Variants in FBXL7 observed in about 807,000 individuals in gnomAD.
FBXL7 encodes F-box/LRR-repeat protein 7.
Under a neutral mutation model 38.3 loss-of-function variants are expected in FBXL7, and 12 were observed. That is an observed-to-expected ratio of 0.31 (90% CI 0.20 to 0.51). The LOEUF (loss-of-function observed/expected upper bound fraction) is 0.51. FBXL7 is among the 20% of genes least tolerant of loss of function. The pLI, the probability that FBXL7 is intolerant of heterozygous loss-of-function variation, is 0.98. For missense variants in FBXL7, 567 were observed against 676.4 expected, an observed-to-expected ratio of 0.84 and a Z score of 1.79; for synonymous variants, 297 against 300.9, an observed-to-expected ratio of 0.99 and a Z score of 0.13.
chr5:15,540,028 A>G (rs1354722459), intron 1 of FBXL7, among the ~76,000 whole-genome samples: 2 of 151,676 alleles, frequency 1.3e-5, no homozygotes, highest in East Asian at 1.9e-4. Flanking sequence ...CCGATTTGAC[A>G]GTGGTCACTG....
At position 15,663,504 on chromosome 5, in the gene FBXL7, C is replaced by T. The variant is rs4357037; in HGVS notation, c.127+47432C>T. Among the ~76,000 whole-genome samples, 746 of 152,194 alleles carry T rather than the reference C, an allele frequency of 4.9e-3. 3 individuals carry two copies. The highest frequency in any genetic ancestry group is 0.017 in the African/African-American group (704 of 41,512). On this transcript the variant is annotated intron_variant, in intron 2 of 3. Coordinates refer to ENST00000504595, the MANE Select transcript of FBXL7 (RefSeq NM_012304.5). The stretch of plus-strand genomic sequence containing the variant: ...TATTTTGAGGTATATTCCTTCGATG[C>T]CTCATTTATTGAGAGGTTTTAATAT...
intron 1 of FBXL7, among the ~76,000 whole-genome samples, chr5:15,526,769 G>A (rs891107562): frequency 2.6e-5 from 4 of 152,182 alleles, no homozygotes; most frequent in African/African-American, 9.7e-5. Flanking sequence ...AACCTGGACT[G>A]AGAGAATTAA....
intron 1 of FBXL7, among the ~76,000 whole-genome samples, chr5:15,503,389 C>G (rs552594670): frequency 1.3e-5 from 2 of 152,330 alleles, no homozygotes; most frequent in South Asian, 4.1e-4. Context: ...CAACTGCACT[C>G]TAGCCTGGGC....
At chr5:15,505,867 C>T (rs967222688) in intron 1 of FBXL7, among the ~76,000 whole-genome samples, 3 of 152,060 alleles carry the variant, frequency 2.0e-5, no homozygotes, top group African/African-American at 7.2e-5. Context: ...TTCTGAAAAC[C>T]CCAGTGGATG....
rs73752375 is a variant in FBXL7, at chr5:15,899,747, A to G, written c.128-28143A>G. Among the ~76,000 whole-genome samples, 1,061 of 152,304 alleles carry G rather than the reference A, an allele frequency of 7.0e-3. 19 individuals are homozygous for G. The highest frequency in any genetic ancestry group is 0.024 in the African/African-American group (1,007 of 41,574). On this transcript the variant is annotated intron_variant, in intron 2 of 3. Transcript: ENST00000504595. ...AGACCCATAATCTAAATCATTAATGAGAAGAAAAAATTTCAGGAGCCCATA... is the reference window on the plus strand; with the variant it reads ...AGACCCATAATCTAAATCATTAATGGGAAGAAAAAATTTCAGGAGCCCATA...
intron 1 of FBXL7, among the ~76,000 whole-genome samples, chr5:15,505,393 A>G (rs1372525369): frequency 6.6e-6 from 1 of 152,186 alleles, no homozygotes; most frequent in Non-Finnish European, 1.5e-5. Context: ...GCCCAGAGTC[A>G]TTATTCATTC....
chr5:15,773,755 G>A (rs530757571), intron 2 of FBXL7, among the ~76,000 whole-genome samples: 12 of 152,178 alleles, frequency 7.9e-5, no homozygotes, highest in South Asian at 2.1e-4. Flanking sequence ...TTATAATATC[G>A]TAGGGAGGGG....
At chr5:15,593,527 A>G (rs1014686270) in intron 1 of FBXL7, among the ~76,000 whole-genome samples, 1 of 151,964 alleles carries the variant, frequency 6.6e-6, no homozygotes, top group African/African-American at 2.4e-5. Flanking sequence ...CCATCTCAAA[A>G]AAGAAATAAG....
At chr5:15,918,396 T>C (rs991474305) in intron 2 of FBXL7, among the ~76,000 whole-genome samples, 3 of 152,190 alleles carry the variant, frequency 2.0e-5, no homozygotes, top group Non-Finnish European at 4.4e-5. Flanking sequence ...AGAAATTTCT[T>C]AGAAGATACT....
chr5:15,894,395 A>G (rs563375021), intron 2 of FBXL7, among the ~76,000 whole-genome samples: 1 of 152,396 alleles, frequency 6.6e-6, no homozygotes, highest in South Asian at 2.1e-4. Flanking sequence ...TCTAATAACA[A>G]AAATCAAAGC....
At chr5:15,660,712 A>G (rs1742035929) in intron 2 of FBXL7, among the ~76,000 whole-genome samples, 1 of 152,104 alleles carries the variant, frequency 6.6e-6, no homozygotes, top group Non-Finnish European at 1.5e-5. Flanking sequence ...CCAGACTCCC[A>G]CTTAATCATA....
chr5:15,789,340 G>A (rs1434981538), intron 2 of FBXL7, among the ~76,000 whole-genome samples: 1 of 152,152 alleles, frequency 6.6e-6, no homozygotes, highest in Non-Finnish European at 1.5e-5. Context: ...TCCAGCCAGG[G>A]TGTTTGATAG....
intron 2 of FBXL7, among the ~76,000 whole-genome samples, chr5:15,639,260 T>C (rs1182422355): frequency 6.6e-6 from 1 of 152,172 alleles, no homozygotes; most frequent in African/African-American, 2.4e-5. Flanking sequence ...GGCTTCTTGA[T>C]TTATTGGACA....
rs564544589 is a variant in FBXL7, at chr5:15,559,978, A to G, written c.38-56005A>G. 1.1e-4 allele frequency among the ~76,000 whole-genome samples: 16 copies of G among 152,348 alleles called. No individual in the cohort carries two copies. In the South Asian group the frequency reaches 2.9e-3, roughly 28 times the overall value. Reference sequence around the variant, plus strand: ...TTGTTTGAAGGTATCCCTGGCACCTACACTTACGGCATGATTGTTAGGTAC... The same window carrying G: ...TTGTTTGAAGGTATCCCTGGCACCTGCACTTACGGCATGATTGTTAGGTAC... On this transcript the variant is annotated intron_variant, in intron 1 of 3. Transcript: ENST00000504595.
intron 2 of FBXL7, among the ~76,000 whole-genome samples, chr5:15,899,634 T>C (rs562409716): frequency 6.6e-6 from 1 of 152,234 alleles, no homozygotes; most frequent in Admixed American, 6.5e-5. Flanking sequence ...ACCATATCAA[T>C]GCCTTAGAGA....
In FBXL7 at chr5:15,508,057, A is replaced by G. The variant is rs140641134; in HGVS notation, c.37+7344A>G. Among the ~76,000 whole-genome samples the G allele has an allele frequency of 3.6e-3, 546 of 152,170 alleles. 9 individuals are homozygous for G. The highest frequency in any genetic ancestry group is 0.013 in the African/African-American group (520 of 41,518). On this transcript the variant is annotated intron_variant, in intron 1 of 3. Transcript: ENST00000504595. ...AGAATCCATCTCAAAAAACATATAT[A>G]TCTTAAGTCAAAAATGCATTTAATA...
intron 1 of FBXL7, among the ~76,000 whole-genome samples, chr5:15,521,369 T>C (rs1348673942): frequency 6.6e-6 from 1 of 152,212 alleles, no homozygotes; most frequent in Admixed American, 6.5e-5. Flanking sequence ...AGAGTTCTCA[T>C]AGTGATTGTA....
chr5:15,589,384 A>G (rs1739403776), intron 1 of FBXL7, among the ~76,000 whole-genome samples: 1 of 151,922 alleles, frequency 6.6e-6, no homozygotes, highest in Admixed American at 6.6e-5. Flanking sequence ...TGGTTGTTTA[A>G]AAGTATGTAG....
In FBXL7 at chr5:15,773,066, T is replaced by TA. The variant is rs1736771923; in HGVS notation, c.128-154820dup. On this transcript the variant is annotated intron_variant, in intron 2 of 3. Transcript: ENST00000504595. ...CACATCACACCTGGCTAATTTTTTT[T>TA]AAAAGCTTTTGTAGAGGCAAGGTCT... 3.9e-5 allele frequency among the ~76,000 whole-genome samples: 6 copies of TA among 152,074 alleles called. No individual in the cohort carries two copies. In the South Asian group the frequency reaches 1.2e-3, roughly 32 times the overall value.
Sources: gnomAD v4.1 joint callset for allele counts (sites outside exome capture counted in the v4.1 genomes callset) on GRCh38, gnomAD v4.1.1 for gene constraint, MANE v1.5 for transcripts, NCBI Gene and HGNC (gene_info 2026-07-23, HGNC 2026-07-21) for gene names.